The following FNDC1 variants were observed in gnomAD, a reference collection of about 807,000 sequenced individuals.
The protein encoded by FNDC1 is fibronectin type III domain-containing protein 1.
A neutral mutation model predicts 168.0 loss-of-function variants in FNDC1; 96 were observed. The ratio of observed to expected loss-of-function variants is 0.57; its 90% CI spans 0.48 to 0.68. The LOEUF is 0.68. Among genes scored for constraint, FNDC1 ranks in the 30% least tolerant of loss-of-function variants. The pLI is 0.00. For missense variants in FNDC1, 2,587 were observed against 2,482.1 expected (o/e 1.04, Z -0.90); for synonymous variants, 1,099 against 1,025.9 (o/e 1.07, Z -1.36).
chr6:159,226,626 A>G (rs1226375631), intron 9 of FNDC1, 46 bp downstream of exon 9: 3 of 1,430,180 alleles, frequency 2.1e-6, no homozygotes, highest in Non-Finnish European at 1.9e-6. Flanking sequence ...GATTCTGATG[A>G]ACATGGCCTC....
chr6:159,232,559 G>C lies in FNDC1; in HGVS notation c.2047G>C (p.Asp683His), dbSNP rs1317625165. ...SRQSPSSVLR[D>H]RSSVHPGAKP... ...CCAGTCCCCGTCCAGCGTTCTCCGC[G>C]ACAGAAGCTCTGTGCACCCCGGCGC... The change falls in exon 11 of 23, where the codon GAC (aspartate) becomes CAC (histidine). Residue 683 changes from aspartate to histidine, a missense_variant. Physicochemically the swap from Asp to His is moderately conservative, Grantham distance 81. Coordinates refer to ENST00000297267, the MANE Select transcript of FNDC1 (RefSeq NM_032532.3). The surrounding 1 kb of genome is among the most constrained non-coding windows in gnomAD (Gnocchi z 4.9). 1.2e-6 allele frequency: 2 copies of C among 1,611,738 alleles called. No homozygotes were observed. Among genetic ancestry groups the C allele is most frequent in the Admixed American group, 1.7e-5 (1 of 59,826 alleles).
chr6:159,204,517 G>A lies in FNDC1; in HGVS notation c.460+3936G>A, dbSNP rs116434132. ...CCTGTAGACCCTTCCCAGCTGTGGG[G>A]TCCAGAAGCTGCCGCTGTCCTGTTT... is the stretch of plus-strand genomic sequence containing the variant. On this transcript the variant is annotated intron_variant, in intron 4 of 22. Transcript: ENST00000297267. Among the ~76,000 whole-genome samples the A allele has an allele frequency of 8.0e-3, 1,213 of 152,286 alleles. 17 individuals carry two copies. The highest frequency in any genetic ancestry group is 0.028 in the African/African-American group (1,164 of 41,558).
intron 17 of FNDC1, among the ~76,000 whole-genome samples, chr6:159,252,540 G>T (rs143803019): frequency 4.9e-4 from 74 of 152,306 alleles, no homozygotes; most frequent in Non-Finnish European, 8.2e-4. Context: ...AGACTGAAGG[G>T]CGTGGGATGC....
At position 159,215,139 on chromosome 6, in the gene FNDC1, A is replaced by G. The variant is rs1485181294; in HGVS notation, c.655A>G (p.Ile219Val). ...PLTRDERTHEIKKLASESVYV... is the reference protein window; with the variant it reads ...PLTRDERTHEVKKLASESVYV... Reference sequence around the variant, plus strand: ...GACAAGAGATGAACGGACACACGAAATTAAAAAGCTAGGTGAGTTTCATAT... The same window carrying G: ...GACAAGAGATGAACGGACACACGAAGTTAAAAAGCTAGGTGAGTTTCATAT... Residue 219 changes from isoleucine to valine, a missense_variant, in exon 5 of 23, where the codon ATT (isoleucine) becomes GTT (valine). Physicochemically the swap from Ile to Val is conservative, Grantham distance 29. Coordinates refer to ENST00000297267, the MANE Select transcript of FNDC1 (RefSeq NM_032532.3). The G allele has an allele frequency of 6.2e-7, 1 of 1,613,676 alleles. No individual in the cohort carries two copies. Among genetic ancestry groups the G allele is most frequent in the South Asian group, 1.1e-5 (1 of 91,086 alleles).
chr6:159,178,896 C>T (rs1583849612), intron 1 of FNDC1, among the ~76,000 whole-genome samples: 1 of 152,172 alleles, frequency 6.6e-6, no homozygotes, highest in East Asian at 1.9e-4. Context: ...CGCAACATTC[C>T]AGTCTCAGGA....
chr6:159,254,483 A>G (rs1777332355), intron 17 of FNDC1, among the ~76,000 whole-genome samples: 1 of 152,156 alleles, frequency 6.6e-6, no homozygotes. Context: ...AGAGCATCTC[A>G]GACTTGGTGT....
At position 159,269,205 on chromosome 6, in the gene FNDC1, A is replaced by ATATCTATC. The variant is rs148868340; in HGVS notation, c.5569+1316_5569+1323dup. ...GTATCCATCCATTATCTACCTATTC[A>ATATCTATC]TATCTATCTATCTATCTATCTATCT... On this transcript the variant is annotated intron_variant, in intron 22 of 22. Coordinates refer to ENST00000297267, the MANE Select transcript of FNDC1 (RefSeq NM_032532.3). Among the ~76,000 whole-genome samples, 3 of 115,624 alleles carry ATATCTATC rather than the reference A, an allele frequency of 2.6e-5. 1 individual carries two copies. The highest frequency in any genetic ancestry group is 8.8e-5 in the Admixed American group (1 of 11,352). 75.9% of individuals were successfully genotyped at this position (115,624 alleles called of 152,430 possible).
At position 159,238,615 on chromosome 6, in the gene FNDC1, A is replaced by G. The variant is rs556479064; in HGVS notation, c.4130A>G (p.His1377Arg). ...NAEGRYLQDS[H>R]GNPLRIKLGG... Reference sequence around the variant, plus strand: ...GAAGGAAGGTACCTCCAAGATTCACATGGAAATCCTCTTCGGATTAAACTA... The same window carrying G: ...GAAGGAAGGTACCTCCAAGATTCACGTGGAAATCCTCTTCGGATTAAACTA... The change falls in exon 13 of 23, where the codon CAT (histidine) becomes CGT (arginine). Residue 1377 changes from histidine (H) to arginine (R), a missense_variant. His to Arg is a conservative substitution (Grantham distance 29). Transcript: ENST00000297267. 7 of 1,611,560 alleles carry G rather than the reference A, an allele frequency of 4.3e-6. No individual in the cohort carries two copies. In the South Asian group the frequency reaches 6.7e-5, roughly 15 times the overall value.
At chr6:159,215,966 A>ATT (rs1782701765) in intron 5 of FNDC1, among the ~76,000 whole-genome samples, 1 of 151,698 alleles carries the variant, frequency 6.6e-6, no homozygotes, top group Non-Finnish European at 1.5e-5. Context: ...AATACATTGT[A>ATT]TCTTTTTTTT....
rs1036829724 is a variant in FNDC1 at position 159,234,316 on chromosome 6, C to G, written c.3804C>G (p.Thr1268=). 12 of 1,608,968 alleles carry G rather than the reference C, an allele frequency of 7.5e-6. No individual in the cohort carries two copies. Among genetic ancestry groups the G allele is most frequent in the South Asian group, 1.1e-5 (1 of 90,320 alleles). The part of the protein sequence containing the change: ...PSRLPPRSAA[T]VSPVAGTHPW... ...GACTGCCGCCTCGCAGCGCTGCCACCGTGAGCCCCGTCGCGGGCACCCACC... is the reference window on the plus strand; with the variant it reads ...GACTGCCGCCTCGCAGCGCTGCCACGGTGAGCCCCGTCGCGGGCACCCACC... The change falls in exon 11 of 23, where the codon ACC becomes ACG. Residue 1268 remains threonine, a synonymous_variant. Coordinates refer to ENST00000297267, the MANE Select transcript of FNDC1 (RefSeq NM_032532.3).
At chr6:159,180,129 T>C (rs1343317309) in intron 1 of FNDC1, among the ~76,000 whole-genome samples, 2 of 152,188 alleles carry the variant, frequency 1.3e-5, no homozygotes, top group Non-Finnish European at 2.9e-5. Context: ...AAGTCTGGAA[T>C]CTGTAGGGCC....
At chr6:159,229,291 G>C (rs1443457793) in intron 9 of FNDC1, among the ~76,000 whole-genome samples, 3 of 152,090 alleles carry the variant, frequency 2.0e-5, no homozygotes, top group African/African-American at 7.2e-5. Context: ...GATATACTAA[G>C]AACTTTTATA....
intron 20 of FNDC1, among the ~76,000 whole-genome samples, chr6:159,265,651 C>G (rs757670828): frequency 6.6e-6 from 1 of 152,114 alleles, no homozygotes; most frequent in African/African-American, 2.4e-5. Flanking sequence ...CCTGCAAGGC[C>G]GGGCGCGGTG....
At position 159,249,043 on chromosome 6, in the gene FNDC1, T is replaced by C. The variant is rs73799728; in HGVS notation, c.4695T>C (p.Tyr1565=). The change falls in exon 16 of 23, where the codon TAT becomes TAC. Residue 1565 remains tyrosine (Y), a synonymous_variant. Transcript: ENST00000297267. ...EEAYVIYDED[Y]EFETSRPPTT... Reference sequence around the variant, plus strand: ...AGAGCCTTCATATCATTTCAGATTATGAATTTGAGACGTCAAGGCCACCAA... The same window carrying C: ...AGAGCCTTCATATCATTTCAGATTACGAATTTGAGACGTCAAGGCCACCAA... 9.7e-4 allele frequency: 1,552 copies of C among 1,596,188 alleles called. 12 individuals are homozygous for C. The African/African-American group carries it at 0.019, about 19-fold the overall frequency.
chr6:159,172,952 C>T (rs11752593), intron 1 of FNDC1, among the ~76,000 whole-genome samples: 2,689 of 152,322 alleles, frequency 0.018, 25 homozygotes, highest in Non-Finnish European at 0.021. Flanking sequence ...CAAAGCTGCT[C>T]TTCTCACTCA....
intron 18 of FNDC1, among the ~76,000 whole-genome samples, chr6:159,260,213 G>A (rs772493842): frequency 2.0e-5 from 3 of 152,154 alleles, no homozygotes; most frequent in Non-Finnish European, 4.4e-5. Context: ...AAGTAGCTAA[G>A]CACTAAAAAA....
chr6:159,204,489 G>A (rs1238935910), intron 4 of FNDC1, among the ~76,000 whole-genome samples: 1 of 152,118 alleles, frequency 6.6e-6, no homozygotes. Flanking sequence ...AGTAGACTTT[G>A]GACCTGTAGA....
intron 19 of FNDC1, among the ~76,000 whole-genome samples, chr6:159,261,662 G>A (rs1055677989): frequency 6.6e-6 from 1 of 152,190 alleles, no homozygotes; most frequent in Non-Finnish European, 1.5e-5. Context: ...CCAAGACATT[G>A]GATTCCCCCT....
chr6:159,217,723 C>G (rs568214619), intron 5 of FNDC1, among the ~76,000 whole-genome samples: 4 of 152,228 alleles, frequency 2.6e-5, no homozygotes, highest in African/African-American at 9.6e-5. Context: ...GAGAGCCAGG[C>G]GCAGCGTCAA....
Sources: allele counts gnomAD v4.1 joint callset (sites outside exome capture counted in the v4.1 genomes callset), GRCh38; gene constraint gnomAD v4.1.1; non-coding constraint Gnocchi (gnomAD v3.1); transcripts MANE v1.5; gene names NCBI Gene and HGNC (gene_info 2026-07-23, HGNC 2026-07-21).